Variants in KCNC2 observed in about 807,000 individuals in gnomAD.
KCNC2 encodes potassium voltage-gated channel subfamily C member 2.
KCNC2 carries 21 observed loss-of-function variants against 44.5 expected under a neutral mutation model. The observed-to-expected ratio is 0.47, with a 90% CI of 0.33 to 0.68. The LOEUF (loss-of-function observed/expected upper bound fraction) is 0.68, where lower values mean the gene tolerates loss of function less well. Among genes scored for constraint, KCNC2 ranks in the 30% least tolerant of loss-of-function variants. KCNC2 has a pLI of 0.01. For synonymous variants in KCNC2, 391 were observed against 339.1 expected (o/e 1.15, Z -1.68); for missense variants, 589 against 826.2 (o/e 0.71, Z 3.52).
intron 2 of KCNC2, among the ~76,000 whole-genome samples, chr12:75,083,346 T>C (rs1015877424): frequency 3.3e-5 from 5 of 151,818 alleles, no homozygotes; most frequent in Non-Finnish European, 4.4e-5. Flanking sequence ...TATTTAAAAC[T>C]TTCCAGATTT....
intron 2 of KCNC2, among the ~76,000 whole-genome samples, chr12:75,052,692 T>C (rs1167235013): frequency 6.6e-6 from 1 of 152,138 alleles, no homozygotes; most frequent in Non-Finnish European, 1.5e-5. Context: ...TGGGAAGAGC[T>C]GAGACAGTTC....
intron 2 of KCNC2, among the ~76,000 whole-genome samples, chr12:75,100,824 A>G (rs1208007453): frequency 6.6e-6 from 1 of 152,092 alleles, no homozygotes; most frequent in Non-Finnish European, 1.5e-5. Flanking sequence ...TTGCCTACGT[A>G]TATAATAAAC....
chr12:75,140,717 A>G (rs1889589249), intron 2 of KCNC2, among the ~76,000 whole-genome samples: 1 of 152,008 alleles, frequency 6.6e-6, no homozygotes, highest in Non-Finnish European at 1.5e-5. Flanking sequence ...AGAAAAAAAA[A>G]GTGAAGAATA....
At chr12:75,055,888 T>C (rs1355223758) in intron 2 of KCNC2, among the ~76,000 whole-genome samples, 1 of 152,088 alleles carries the variant, frequency 6.6e-6, no homozygotes. Context: ...GGGGTATATT[T>C]TTATTTTCCT....
At chr12:75,091,144 A>G (rs1885437364) in intron 2 of KCNC2, among the ~76,000 whole-genome samples, 1 of 151,722 alleles carries the variant, frequency 6.6e-6, no homozygotes, top group East Asian at 1.9e-4. Flanking sequence ...CTTATTTTCC[A>G]GACATATTAC....
intron 2 of KCNC2, among the ~76,000 whole-genome samples, chr12:75,168,145 G>A (rs1891579411): frequency 6.6e-6 from 1 of 151,248 alleles, no homozygotes; most frequent in Non-Finnish European, 1.5e-5. Flanking sequence ...TGAATGATTT[G>A]AGAAAAACCG....
chr12:75,165,178 T>G (rs772294788), intron 2 of KCNC2, among the ~76,000 whole-genome samples: 1 of 151,662 alleles, frequency 6.6e-6, no homozygotes, highest in Non-Finnish European at 1.5e-5. Context: ...GTTTACGATA[T>G]CTAATTATTT....
At chr12:75,061,791 C>T (rs907983635) in intron 2 of KCNC2, among the ~76,000 whole-genome samples, 1 of 152,016 alleles carries the variant, frequency 6.6e-6, no homozygotes, top group African/African-American at 2.4e-5. Context: ...AATCAGCAAG[C>T]CATCATAACT....
rs192538763 is a variant in KCNC2 at position 75,205,673 on chromosome 12, G to A, written c.687+1624C>T. Among the ~76,000 whole-genome samples the A allele has an allele frequency of 1.1e-4, 16 of 152,158 alleles. No homozygotes were observed. In the East Asian group the frequency reaches 2.5e-3, roughly 24 times the overall value. On this transcript the variant is annotated intron_variant, in intron 2 of 4. Transcript: ENST00000549446. ...ATGATCTGGAAAAAAAGAATCACAT[G>A]ATGGGCCTGAAAACAAATTCAGATT...
intron 2 of KCNC2, among the ~76,000 whole-genome samples, chr12:75,173,593 C>T (rs1041163842): frequency 1.4e-4 from 22 of 151,892 alleles, no homozygotes; most frequent in Non-Finnish European, 2.9e-4. Context: ...GAAATCCATG[C>T]CAATGATTGC....
intron 2 of KCNC2, among the ~76,000 whole-genome samples, chr12:75,076,038 T>TACACACACAC (rs71078709): frequency 1.2e-3 from 164 of 141,412 alleles, no homozygotes; most frequent in East Asian, 8.9e-3. Flanking sequence ...TAATGTTACA[T>TACACACACAC]ACACACACAC....
At chr12:75,171,094 A>G (rs1891787134) in intron 2 of KCNC2, among the ~76,000 whole-genome samples, 1 of 151,720 alleles carries the variant, frequency 6.6e-6, no homozygotes, top group African/African-American at 2.4e-5. Context: ...CTAAATTTGA[A>G]TGTCTCTGAC....
At chr12:75,060,535 G>A (rs144917208) in intron 2 of KCNC2, among the ~76,000 whole-genome samples, 2 of 152,048 alleles carry the variant, frequency 1.3e-5, no homozygotes, top group Non-Finnish European at 2.9e-5. Context: ...GTGAAATCAC[G>A]GGTCATTGCA....
intron 2 of KCNC2, among the ~76,000 whole-genome samples, chr12:75,080,428 C>T (rs570983129): frequency 6.6e-6 from 1 of 152,058 alleles, no homozygotes; most frequent in African/African-American, 2.4e-5. Flanking sequence ...AAAACCATCT[C>T]CAGGAAACTA....
chr12:75,206,651 G>C (rs1489712148), intron 2 of KCNC2, among the ~76,000 whole-genome samples: 1 of 152,212 alleles, frequency 6.6e-6, no homozygotes, highest in Non-Finnish European at 1.5e-5. Flanking sequence ...CTGTGTGTAA[G>C]TGGGCTCTCT....
At chr12:75,170,249 T>A (rs74110444) in intron 2 of KCNC2, among the ~76,000 whole-genome samples, 1 of 151,666 alleles carries the variant, frequency 6.6e-6, no homozygotes, top group Admixed American at 6.6e-5. Flanking sequence ...TCCTTTAAGA[T>A]AGCAAAATGG....
chr12:75,071,070 T>C (rs1436023604), intron 2 of KCNC2, among the ~76,000 whole-genome samples: 3 of 152,200 alleles, frequency 2.0e-5, no homozygotes, highest in African/African-American at 7.2e-5. Flanking sequence ...GGATTGGCGT[T>C]GAAGCATATC....
chr12:75,147,569 A>T (rs1490586861), intron 2 of KCNC2, among the ~76,000 whole-genome samples: 1 of 152,230 alleles, frequency 6.6e-6, no homozygotes, highest in Non-Finnish European at 1.5e-5. Flanking sequence ...GTCAGAAAAG[A>T]TGTTTACATA....
intron 2 of KCNC2, among the ~76,000 whole-genome samples, chr12:75,196,143 A>G (rs2137746176): frequency 6.6e-6 from 1 of 152,216 alleles, no homozygotes; most frequent in East Asian, 1.9e-4. Context: ...ATATTATGAC[A>G]TTGCACTATC....
Sources: allele counts gnomAD v4.1 joint callset (sites outside exome capture counted in the v4.1 genomes callset), GRCh38; gene constraint gnomAD v4.1.1; transcripts MANE v1.5; gene names NCBI Gene and HGNC (gene_info 2026-07-23, HGNC 2026-07-21).